SRL: variants seen among roughly 807,000 people sequenced by gnomAD.
SRL encodes sarcalumenin.
A neutral mutation model predicts 39.5 loss-of-function variants in SRL; 23 were observed. That is an observed-to-expected ratio of 0.58 (90% CI 0.42 to 0.82). SRL has a LOEUF of 0.82. Ranked by LOEUF, SRL falls within the 40% of genes least tolerant of loss-of-function variation. SRL has a pLI of 0.00. For missense variants in SRL, 592 were observed against 607.8 expected (o/e 0.97, Z 0.27); for synonymous variants, 272 against 237.4 (o/e 1.15, Z -1.34).
At chr16:4,240,608 C>T (rs2052762683) in intron 1 of SRL, among the ~76,000 whole-genome samples, 1 of 152,096 alleles carries the variant, frequency 6.6e-6, no homozygotes, top group South Asian at 2.1e-4. Context: ...GTCCTTTCCC[C>T]ACGACAAGAG....
chr16:4,222,564 G>A (rs2052542227), intron 1 of SRL, among the ~76,000 whole-genome samples: 2 of 152,144 alleles, frequency 1.3e-5, no homozygotes, highest in African/African-American at 2.4e-5. Context: ...ATGAGCCACT[G>A]CACCCGGCTT....
chr16:4,231,448 G>A (rs893086584), intron 1 of SRL, among the ~76,000 whole-genome samples: 1 of 152,158 alleles, frequency 6.6e-6, no homozygotes. Flanking sequence ...TTAACACTGA[G>A]CCAATCGTTT....
At chr16:4,202,348 C>G (rs938918554) in intron 3 of SRL, among the ~76,000 whole-genome samples, 14 of 152,190 alleles carry the variant, frequency 9.2e-5, no homozygotes, top group African/African-American at 3.4e-4. Context: ...AATCCCAGCA[C>G]TTTGGGAGGC....
rs1370396951 is a variant in SRL, at chr16:4,209,099, C to G, written c.62-4465G>C. Reference sequence around the variant, plus strand: ...ACCAGCCTGGCCAACATGGTGAAACCCCATCTCTACTAAAAATATGAAAAA... The same window carrying G: ...ACCAGCCTGGCCAACATGGTGAAACGCCATCTCTACTAAAAATATGAAAAA... On this transcript the variant is annotated intron_variant, in intron 1 of 5. Coordinates refer to ENST00000399609, the MANE Select transcript of SRL (RefSeq NM_001098814.2). Among the ~76,000 whole-genome samples, 8 of 152,112 alleles carry G rather than the reference C, an allele frequency of 5.3e-5. No homozygotes were observed. The East Asian group carries it at 1.5e-3, about 29-fold the overall frequency.
intron 1 of SRL, among the ~76,000 whole-genome samples, chr16:4,234,168 T>A (rs747050370): frequency 6.6e-6 from 1 of 152,076 alleles, no homozygotes; most frequent in Non-Finnish European, 1.5e-5. Flanking sequence ...ATTTTTAAAG[T>A]TTTTTTGTAG....
chr16:4,234,119 T>C (rs371667012), intron 1 of SRL, among the ~76,000 whole-genome samples: 1 of 152,080 alleles, frequency 6.6e-6, no homozygotes, highest in South Asian at 2.1e-4. Context: ...CTCAGCCCCC[T>C]GAGTAGCTGA....
In SRL at chr16:4,241,262, A is replaced by G. The variant is rs905996973; in HGVS notation, c.61+745T>C. On this transcript the variant is annotated intron_variant, in intron 1 of 5. Transcript: ENST00000399609. ...AAGAGAGGTGGCAAAACAATCTGGC[A>G]TCTCCTCCATAGCCTATAGATAACC... Among the ~76,000 whole-genome samples, 52 of 152,092 alleles carry G rather than the reference A, an allele frequency of 3.4e-4. 1 individual carries two copies. The highest frequency in any genetic ancestry group is 1.0e-3 in the African/African-American group (43 of 41,394).
chr16:4,209,038 C>T (rs1296036774), intron 1 of SRL, among the ~76,000 whole-genome samples: 2 of 152,018 alleles, frequency 1.3e-5, no homozygotes, highest in South Asian at 2.1e-4. Context: ...TTTGGGAGGT[C>T]GAGATAGGCA....
rs565882296 is a variant in SRL, at chr16:4,220,815, C to T, written c.62-16181G>A. On this transcript the variant is annotated intron_variant, in intron 1 of 5. Transcript: ENST00000399609. ...ACCAGCCTAGGCAACATAGTGGGAC[C>T]CCGAATATACTTAAAAAAAAATTAG... is the stretch of plus-strand genomic sequence containing the variant. Among the ~76,000 whole-genome samples the T allele has an allele frequency of 2.0e-5, 3 of 151,522 alleles. No homozygotes were observed. The East Asian group carries it at 5.9e-4, about 30-fold the overall frequency.
chr16:4,219,399 T>C (rs1413888795), intron 1 of SRL, among the ~76,000 whole-genome samples: 1 of 152,186 alleles, frequency 6.6e-6, no homozygotes. Flanking sequence ...GACAGCCCCT[T>C]GGTGAGTCTC....
chr16:4,242,027 A>C lies in SRL; in HGVS notation c.41T>G (p.Leu14Arg). 6.2e-7 allele frequency: 1 copy of C among 1,613,518 alleles called. No homozygotes were observed. Among genetic ancestry groups the C allele is most frequent in the Non-Finnish European group, 8.5e-7 (1 of 1,179,892 alleles). The change falls in exon 1 of 6, where the codon CTC becomes CGC. Residue 14 changes from leucine to arginine, a missense_variant. By Grantham distance (102) the Leu-to-Arg change is moderately radical. Coordinates refer to ENST00000399609, the MANE Select transcript of SRL (RefSeq NM_001098814.2). The stretch of plus-strand genomic sequence containing the variant: ...CCTACCTGCTTGTCCTGAGAACAGG[A>C]GCGAGGCCAGGAGGCAGCCGAGCAG... ...LVLLGCLLAS[L>R]LFSGQAEETE...
chr16:4,228,215 G>T (rs1395403549), intron 1 of SRL, among the ~76,000 whole-genome samples: 1 of 119,918 alleles, frequency 8.3e-6, no homozygotes, highest in Non-Finnish European at 2.1e-5. Flanking sequence ...GAGGCAGGTG[G>T]ATCACGAGGT....
At chr16:4,206,969 GCCTTCCTGTGGCGCTCCA>G (rs2052327873) in intron 1 of SRL, 1 of 455,060 alleles carries the variant, frequency 2.2e-6, no homozygotes, top group Non-Finnish European at 4.4e-6. Context: ...GGGGCTCCCC[GCCTTCCTGTGGCGCTCCA>G]CCTTCCTGGG....
intron 1 of SRL, among the ~76,000 whole-genome samples, chr16:4,240,936 G>A: frequency 6.6e-6 from 1 of 152,204 alleles, no homozygotes; most frequent in East Asian, 1.9e-4. Context: ...AGCACATGCA[G>A]TGGCTGGAGC....
At chr16:4,223,055 C>T (rs1056996688) in intron 1 of SRL, among the ~76,000 whole-genome samples, 8 of 151,854 alleles carry the variant, frequency 5.3e-5, no homozygotes, top group African/African-American at 1.9e-4. Context: ...CATGGTAAAA[C>T]CCCATCTCTA....
chr16:4,240,282 G>C, intron 1 of SRL, among the ~76,000 whole-genome samples: 1 of 152,254 alleles, frequency 6.6e-6, no homozygotes, highest in South Asian at 2.1e-4. Context: ...GGTATTTACC[G>C]GGGTGGCACA....
In SRL at chr16:4,207,076, T is replaced by C. The variant is rs764984715; in HGVS notation, c.62-2442A>G. 2.2e-5 allele frequency: 10 copies of C among 453,302 alleles called. 1 individual carries two copies. Among genetic ancestry groups the C allele is most frequent in the South Asian group, 1.6e-4 (10 of 64,104 alleles). 28.1% of individuals were successfully genotyped at this position (453,302 alleles called of 1,614,324 possible). On this transcript the variant is annotated intron_variant, in intron 1 of 5. Coordinates refer to ENST00000399609, the MANE Select transcript of SRL (RefSeq NM_001098814.2). ...AGATCCCCGCCTTCCTGGGGCTCCC[T>C]GGCTTCCTGGGGCTCCCCAGCCTCC...
chr16:4,207,164 GTCCTCTTCGGAC>G (rs2052332414), intron 1 of SRL: 2 of 456,876 alleles, frequency 4.4e-6, no homozygotes, highest in South Asian at 3.1e-5. Flanking sequence ...CATCGCCGCT[GTCCTCTTCGGAC>G]TCCTCTTCGG....
At chr16:4,235,104 G>A (rs541633355) in intron 1 of SRL, among the ~76,000 whole-genome samples, 1 of 152,312 alleles carries the variant, frequency 6.6e-6, no homozygotes, top group South Asian at 2.1e-4. Context: ...GCCTGAGTAG[G>A]GAAGGGAGAC....
Sources: gnomAD v4.1 joint callset for allele counts (sites outside exome capture counted in the v4.1 genomes callset) on GRCh38, gnomAD v4.1.1 for gene constraint, MANE v1.5 for transcripts, NCBI Gene and HGNC (gene_info 2026-07-23, HGNC 2026-07-21) for gene names.